RASAL2: variants seen among roughly 807,000 people sequenced by gnomAD.
The protein encoded by RASAL2 is RAS protein activator like 2.
In RASAL2, 58 loss-of-function variants were observed where a neutral mutation model predicts 128.9. That is an observed-to-expected ratio of 0.45 (90% CI 0.36 to 0.56). RASAL2 has a LOEUF of 0.56. RASAL2 is among the 20% of genes least tolerant of loss of function. RASAL2 has a pLI of 0.00. For missense variants in RASAL2, 1,360 were observed against 1,601.6 expected, an observed-to-expected ratio of 0.85 and a Z score of 2.57; for synonymous variants, 561 against 580.8, an observed-to-expected ratio of 0.97 and a Z score of 0.49.
At chr1:178,183,856 C>T (rs778411763) in intron 1 of RASAL2, among the ~76,000 whole-genome samples, 4 of 152,206 alleles carry the variant, frequency 2.6e-5, no homozygotes, top group Non-Finnish European at 5.9e-5. Flanking sequence ...TGTAGTAAGA[C>T]TGTGTTTAAC....
At chr1:178,170,463 A>G (rs1328607745) in intron 1 of RASAL2, among the ~76,000 whole-genome samples, 1 of 151,766 alleles carries the variant, frequency 6.6e-6, no homozygotes, top group Non-Finnish European at 1.5e-5. Flanking sequence ...CAGACAAGGG[A>G]ATATGTAATT....
chr1:178,274,647 C>T (rs1666410666), intron 1 of RASAL2, among the ~76,000 whole-genome samples: 1 of 152,086 alleles, frequency 6.6e-6, no homozygotes, highest in African/African-American at 2.4e-5. Flanking sequence ...AATACAGTAA[C>T]ACAAATCACA....
chr1:178,411,625 A>C (rs1228825841), intron 4 of RASAL2: 1 of 766,214 alleles, frequency 1.3e-6, no homozygotes, highest in Non-Finnish European at 2.4e-6. Context: ...CAGGTGGCTG[A>C]AGGAGAGAAA....
At chr1:178,226,046 A>G (rs1663774108) in intron 1 of RASAL2, among the ~76,000 whole-genome samples, 1 of 152,200 alleles carries the variant, frequency 6.6e-6, no homozygotes, top group East Asian at 1.9e-4. Context: ...TGAATTACAG[A>G]GGAACCTTGA....
intron 17 of RASAL2, chr1:178,470,596 C>T (rs770487988): frequency 2.0e-6 from 2 of 988,162 alleles, no homozygotes; most frequent in Admixed American, 4.6e-5. Flanking sequence ...CTCTATGTGA[C>T]TCAGGTGGAG....
intron 3 of RASAL2, among the ~76,000 whole-genome samples, chr1:178,329,706 A>G (rs1669198704): frequency 6.6e-6 from 1 of 151,106 alleles, no homozygotes; most frequent in Non-Finnish European, 1.5e-5. Flanking sequence ...TCTGTCAAGT[A>G]TAAGAAGGGG....
At chr1:178,148,425 A>G (rs1303520789) in intron 1 of RASAL2, among the ~76,000 whole-genome samples, 3 of 150,164 alleles carry the variant, frequency 2.0e-5, no homozygotes, top group Non-Finnish European at 4.4e-5. Context: ...TGGTTAATCT[A>G]TTTCATTCTT....
In RASAL2 at chr1:178,476,519, G is replaced by A. The variant is rs964821790; in HGVS notation, c.*3280G>A. ...ATGGCAGTCTAACGGTAAGAAAAAT[G>A]TGGTAAAATGAGGTAATCATGCTGC... On this transcript the variant is annotated 3_prime_UTR_variant, in exon 18 of 18. Transcript: ENST00000367649. The A allele has an allele frequency of 2.0e-5, 3 of 152,182 alleles. No homozygotes were observed. Among genetic ancestry groups the A allele is most frequent in the Non-Finnish European group, 2.9e-5 (2 of 68,042 alleles). 9.4% of individuals were successfully genotyped at this position (152,182 alleles called of 1,614,324 possible). A position where few individuals can be genotyped will look rare whatever the true frequency, so the allele number is the denominator to read the frequency against.
intron 3 of RASAL2, among the ~76,000 whole-genome samples, chr1:178,301,742 C>T (rs769366374): frequency 1.3e-5 from 2 of 152,096 alleles, no homozygotes; most frequent in African/African-American, 2.4e-5. Flanking sequence ...TGACTATTGT[C>T]TTTACCAATT....
chr1:178,436,072 A>G (rs780472924), intron 5 of RASAL2, among the ~76,000 whole-genome samples: 9 of 152,124 alleles, frequency 5.9e-5, no homozygotes, highest in Non-Finnish European at 8.8e-5. Context: ...AACATGAATT[A>G]GAGGAAACTT....
Position 178,452,474 on chromosome 1 carries a change from C to T in RASAL2, c.1831C>T (p.Arg611Cys), listed in dbSNP as rs773890804. The T allele has an allele frequency of 4.3e-6, 7 of 1,613,952 alleles. No individual in the cohort carries two copies. Among genetic ancestry groups the T allele is most frequent in the African/African-American group, 4.0e-5 (3 of 74,900 alleles). The change falls in exon 11 of 18, where the codon CGT becomes TGT. Residue 611 changes from arginine (R) to cysteine (C), a missense_variant. Arg to Cys is a radical substitution (Grantham distance 180). Around this residue, in one of 3 missense-constraint regions of RASAL2, gnomAD observed 741 missense variants for 868.6 expected, o/e 0.85. Transcript: ENST00000367649. ...ATCATGGAAGCAGCAGTGCCTGAAC[C>T]GTGGCAAGCAAGACATCAGCGAGAG... ...FASWKQQCLN[R>C]GKQDISERLI...
At chr1:178,160,037 A>G (rs909749338) in intron 1 of RASAL2, among the ~76,000 whole-genome samples, 3 of 152,058 alleles carry the variant, frequency 2.0e-5, no homozygotes, top group Non-Finnish European at 4.4e-5. Context: ...TTTTAAGGAA[A>G]TAACCGGTCT....
intron 3 of RASAL2, among the ~76,000 whole-genome samples, chr1:178,339,879 A>G (rs1277207755): frequency 6.6e-6 from 1 of 152,206 alleles, no homozygotes; most frequent in East Asian, 1.9e-4. Flanking sequence ...GAATAATAAG[A>G]AAAATTCAAG....
At chr1:178,162,600 A>G (rs1661368020) in intron 1 of RASAL2, among the ~76,000 whole-genome samples, 1 of 141,742 alleles carries the variant, frequency 7.1e-6, no homozygotes, top group Non-Finnish European at 1.5e-5. Flanking sequence ...TTATATATAC[A>G]TATTTTTGAG....
At chr1:178,359,138 A>G (rs1468556845) in intron 3 of RASAL2, among the ~76,000 whole-genome samples, 3 of 152,218 alleles carry the variant, frequency 2.0e-5, no homozygotes, top group African/African-American at 4.8e-5. Flanking sequence ...CAAATAATCT[A>G]TACATTCGTT....
chr1:178,254,559 A>G (rs555387404), intron 1 of RASAL2, among the ~76,000 whole-genome samples: 1 of 152,332 alleles, frequency 6.6e-6, no homozygotes, highest in South Asian at 2.1e-4. Context: ...AAAATATGCT[A>G]AGAAAAAGCA....
chr1:178,458,632 T>C, intron 14 of RASAL2, 88 bp downstream of exon 14: 2 of 1,471,744 alleles, frequency 1.4e-6, no homozygotes, highest in East Asian at 4.6e-5. Flanking sequence ...GAAATCCTAT[T>C]GTTAACAAGA....
chr1:178,451,777 A>C, intron 10 of RASAL2, 62 bp downstream of exon 10: 1 of 1,517,910 alleles, frequency 6.6e-7, no homozygotes, highest in Non-Finnish European at 8.9e-7. Context: ...AGTGGAACTT[A>C]CATTTTTTCA....
At chr1:178,129,780 T>G (rs1302034552) in intron 1 of RASAL2, among the ~76,000 whole-genome samples, 1 of 152,150 alleles carries the variant, frequency 6.6e-6, no homozygotes, top group Non-Finnish European at 1.5e-5. Context: ...CCCATAAGAT[T>G]ATTTTTTAGC....
Sources: allele counts gnomAD v4.1 joint callset (sites outside exome capture counted in the v4.1 genomes callset), GRCh38; gene constraint gnomAD v4.1.1; regional missense constraint gnomAD v4.1.1; transcripts MANE v1.5; gene names NCBI Gene and HGNC (gene_info 2026-07-23, HGNC 2026-07-21).